LRRC4C: variants seen among roughly 807,000 people sequenced by gnomAD.
LRRC4C encodes the protein leucine-rich repeat-containing protein 4C.
LRRC4C carries 5 observed loss-of-function variants against 33.6 expected under a neutral mutation model. That is an observed-to-expected ratio of 0.15 (90% CI 0.08 to 0.31). The LOEUF (loss-of-function observed/expected upper bound fraction) is 0.31, where lower values mean the gene tolerates loss of function less well. Ranked by LOEUF, LRRC4C falls within the 10% of genes least tolerant of loss-of-function variation. The pLI is 1.00. For missense variants in LRRC4C, 560 were observed against 796.7 expected (o/e 0.70, Z 3.58); for synonymous variants, 329 against 302.0 (o/e 1.09, Z -0.93).
At chr11:40,571,749 A>T (rs914628407) in intron 3 of LRRC4C, among the ~76,000 whole-genome samples, 5 of 152,182 alleles carry the variant, frequency 3.3e-5, no homozygotes, top group African/African-American at 1.2e-4. Flanking sequence ...TATAGCTTAG[A>T]ACATCTCAAT....
At chr11:40,957,823 G>A (rs1959028875) in intron 1 of LRRC4C, among the ~76,000 whole-genome samples, 1 of 151,656 alleles carries the variant, frequency 6.6e-6, no homozygotes, top group African/African-American at 2.4e-5. Context: ...ATTCTGATAG[G>A]AAGTAGTATT....
chr11:40,792,648 A>G (rs1950672247), intron 2 of LRRC4C, among the ~76,000 whole-genome samples: 1 of 152,172 alleles, frequency 6.6e-6, no homozygotes, highest in African/African-American at 2.4e-5. Flanking sequence ...TATATACCCA[A>G]AGGATTATAA....
At chr11:41,454,719 C>T (rs907793355) in intron 1 of LRRC4C, among the ~76,000 whole-genome samples, 2 of 152,122 alleles carry the variant, frequency 1.3e-5, no homozygotes, top group African/African-American at 4.8e-5. Context: ...AGCCATGGTA[C>T]ATGAAATGAG....
At chr11:41,141,375 T>C (rs1044773440) in intron 1 of LRRC4C, among the ~76,000 whole-genome samples, 1 of 150,878 alleles carries the variant, frequency 6.6e-6, no homozygotes, top group African/African-American at 2.4e-5. Context: ...AAATTTCTCT[T>C]AAAAAAAAAG....
At chr11:41,206,495 C>T (rs1216398959) in intron 1 of LRRC4C, among the ~76,000 whole-genome samples, 3 of 152,126 alleles carry the variant, frequency 2.0e-5, no homozygotes, top group African/African-American at 7.2e-5. Flanking sequence ...AAAAAATCAC[C>T]TTGAAGAGCT....
chr11:40,212,730 G>C (rs1470094270), intron 5 of LRRC4C, among the ~76,000 whole-genome samples: 2 of 152,084 alleles, frequency 1.3e-5, no homozygotes, highest in African/African-American at 4.8e-5. Flanking sequence ...AGAGAAAACA[G>C]AGGTGCAAGG....
chr11:41,430,235 C>T (rs1454001623), intron 1 of LRRC4C, among the ~76,000 whole-genome samples: 4 of 152,002 alleles, frequency 2.6e-5, no homozygotes, highest in Admixed American at 2.0e-4. Flanking sequence ...TTAATACATG[C>T]TAACTATTTT....
chr11:40,116,315 C>A lies in LRRC4C; in HGVS notation c.-23G>T. On this transcript the variant is annotated 5_prime_UTR_variant, in exon 7 of 7. Coordinates refer to ENST00000528697, the MANE Select transcript of LRRC4C (RefSeq NM_001258419.2). ...CATTCATAATTTATCTGGTGTTGGT[C>A]CTTCTGGAATTCAAACAGTCTGCAA... The A allele has an allele frequency of 6.4e-7, 1 of 1,553,040 alleles. No individual in the cohort carries two copies. Among genetic ancestry groups the A allele is most frequent in the South Asian group, 1.2e-5 (1 of 82,108 alleles).
chr11:40,224,454 T>C (rs1021231291), intron 5 of LRRC4C, among the ~76,000 whole-genome samples: 1 of 152,206 alleles, frequency 6.6e-6, no homozygotes, highest in Non-Finnish European at 1.5e-5. Flanking sequence ...GTGCCCACAA[T>C]AAATAAAATA....
intron 2 of LRRC4C, among the ~76,000 whole-genome samples, chr11:40,721,401 T>C (rs1308037605): frequency 6.6e-6 from 1 of 152,196 alleles, no homozygotes; most frequent in Non-Finnish European, 1.5e-5. Flanking sequence ...ATCTGAGACT[T>C]TCCAGGCTCC....
chr11:41,121,942 AT>A (rs1174159976), intron 1 of LRRC4C, among the ~76,000 whole-genome samples: 3 of 151,642 alleles, frequency 2.0e-5, no homozygotes, highest in Non-Finnish European at 4.4e-5. Context: ...CAAAAAAAAA[AT>A]CTCATCTAGA....
chr11:40,198,010 C>A (rs1862402651), intron 5 of LRRC4C, among the ~76,000 whole-genome samples: 3 of 151,888 alleles, frequency 2.0e-5, no homozygotes, highest in Non-Finnish European at 4.4e-5. Context: ...AATTATCAGC[C>A]TTTTTAATAA....
At chr11:41,412,264 C>T (rs1437685528) in intron 1 of LRRC4C, among the ~76,000 whole-genome samples, 5 of 152,116 alleles carry the variant, frequency 3.3e-5, no homozygotes, top group African/African-American at 1.2e-4. Flanking sequence ...TGAATCTTTC[C>T]TAAATGTATG....
At chr11:40,447,718 T>C (rs528668894) in intron 3 of LRRC4C, among the ~76,000 whole-genome samples, 1 of 152,244 alleles carries the variant, frequency 6.6e-6, no homozygotes. Flanking sequence ...TGGATCAAGG[T>C]CTTATCACAT....
chr11:40,889,734 T>C (rs934950632), intron 2 of LRRC4C, among the ~76,000 whole-genome samples: 5 of 152,108 alleles, frequency 3.3e-5, no homozygotes, highest in Non-Finnish European at 7.4e-5. Flanking sequence ...TTTTTCTGTT[T>C]CTGTTTGTGA....
rs77683172 is a variant in LRRC4C, at chr11:40,495,813, G to GTTTTTTT, written c.-270+152322_-270+152328dup. On this transcript the variant is annotated intron_variant, in intron 3 of 6. Transcript: ENST00000528697. ...TTTTATTGAAGTTCTCAATAAACATGTTTTTTTTTTTTTTTTTTTTTTTTT... is the reference window on the plus strand; with the variant it reads ...TTTTATTGAAGTTCTCAATAAACATGTTTTTTTTTTTTTTTTTTTTTTTTTTTTTTTT... Among the ~76,000 whole-genome samples, 194 of 67,000 alleles carry GTTTTTTT rather than the reference G, an allele frequency of 2.9e-3. 55 individuals carry two copies. The highest frequency in any genetic ancestry group is 3.9e-3 in the Non-Finnish European group (141 of 36,090). The allele number at this position is 67,000 out of a possible 152,430, so 44.0% of individuals were successfully genotyped here. A position where few individuals can be genotyped will look rare whatever the true frequency, so the allele number is the denominator to read the frequency against.
chr11:40,831,833 C>T (rs535968166), intron 2 of LRRC4C, among the ~76,000 whole-genome samples: 3 of 152,070 alleles, frequency 2.0e-5, no homozygotes, highest in African/African-American at 4.8e-5. Context: ...GAGAAACCTG[C>T]CCCCATGATT....
intron 3 of LRRC4C, among the ~76,000 whole-genome samples, chr11:40,544,380 C>G (rs973748301): frequency 1.3e-5 from 2 of 152,040 alleles, no homozygotes; most frequent in Non-Finnish European, 2.9e-5. Flanking sequence ...CTCATTCTGG[C>G]CCACTGTTCT....
At chr11:40,196,770 C>A (rs757732817) in intron 5 of LRRC4C, among the ~76,000 whole-genome samples, 1 of 152,140 alleles carries the variant, frequency 6.6e-6, no homozygotes, top group Non-Finnish European at 1.5e-5. Context: ...CTATTATTAT[C>A]ATATTAAAAG....
Sources: allele counts gnomAD v4.1 joint callset (sites outside exome capture counted in the v4.1 genomes callset), GRCh38; gene constraint gnomAD v4.1.1; transcripts MANE v1.5; gene names NCBI Gene and HGNC (gene_info 2026-07-23, HGNC 2026-07-21).